The following NAV2 variants were observed in gnomAD, a reference collection of about 807,000 sequenced individuals.
The protein encoded by NAV2 is helicase, APC down-regulated 1.
A neutral mutation model predicts 223.2 loss-of-function variants in NAV2; 54 were observed. The ratio of observed to expected loss-of-function variants is 0.24; its 90% CI spans 0.19 to 0.30. The LOEUF is 0.30. Among genes scored for constraint, NAV2 ranks in the 10% least tolerant of loss-of-function variants. NAV2 has a pLI of 1.00. For synonymous variants in NAV2, 1,279 were observed against 1,239.3 expected, an observed-to-expected ratio of 1.03 and a Z score of -0.67; for missense variants, 2,806 against 3,147.5, an observed-to-expected ratio of 0.89 and a Z score of 2.60.
chr11:20,085,057 G>A (rs1158929370), intron 26 of NAV2, among the ~76,000 whole-genome samples: 1 of 118,492 alleles, frequency 8.4e-6, no homozygotes, highest in Non-Finnish European at 1.9e-5. Context: ...GGTCAGGCAT[G>A]GTGTTGCATA....
At chr11:19,684,070 CAAAAA>C (rs2048950781) in intron 1 of NAV2, among the ~76,000 whole-genome samples, 1 of 152,018 alleles carries the variant, frequency 6.6e-6, no homozygotes, top group Non-Finnish European at 1.5e-5. Flanking sequence ...TTGCGAAATC[CAAAAA>C]CTGGAAATCA....
At chr11:20,068,099 C>T in intron 20 of NAV2, 87 bp from the exon 21 acceptor site, 1 of 1,165,984 alleles carries the variant, frequency 8.6e-7, no homozygotes, top group Non-Finnish European at 1.3e-6. Context: ...ACTGCTGCAA[C>T]CATCTGAATA....
chr11:19,934,093 G>T lies in NAV2; in HGVS notation c.1849G>T (p.Ala617Ser), dbSNP rs771606046. The T allele has an allele frequency of 3.7e-6, 6 of 1,612,976 alleles. No homozygotes were observed. Among genetic ancestry groups the T allele is most frequent in the East Asian group, 2.2e-5 (1 of 44,858 alleles). The change falls in exon 7 of 38, where the codon GCG (alanine) becomes TCG (serine). Residue 617 changes from alanine (A) to serine (S), a missense_variant. Transcript: ENST00000349880. ...ACACTCCAGTTCCTCTTCCAGCCTG[G>T]CGTCCTCAGAAGGAAAAGGCCCAGG... ...GRHSSSSSSL[A>S]SSEGKGPGGT...
chr11:19,944,797 TC>T (rs1420274350), intron 8 of NAV2, among the ~76,000 whole-genome samples: 1 of 149,596 alleles, frequency 6.7e-6, no homozygotes, highest in African/African-American at 2.4e-5. Flanking sequence ...TGGCTGGCTT[TC>T]TGTCTGTCTT....
chr11:19,927,477 G>A (rs1248458247), intron 6 of NAV2, among the ~76,000 whole-genome samples: 1 of 152,234 alleles, frequency 6.6e-6, no homozygotes, highest in Non-Finnish European at 1.5e-5. Flanking sequence ...AGCTACTCAG[G>A]AGGCTGAGGC....
At chr11:19,707,004 A>G (rs898456415) in intron 1 of NAV2, among the ~76,000 whole-genome samples, 1 of 152,232 alleles carries the variant, frequency 6.6e-6, no homozygotes, top group Non-Finnish European at 1.5e-5. Flanking sequence ...ATCTAAACGT[A>G]GAAAAGGTAC....
intron 1 of NAV2, among the ~76,000 whole-genome samples, chr11:19,730,891 A>T (rs557350472): frequency 6.6e-6 from 1 of 152,372 alleles, no homozygotes; most frequent in African/African-American, 2.4e-5. Flanking sequence ...CAGCATGCCC[A>T]GTGAAATTTG....
At chr11:19,622,844 A>C (rs1203560819) in intron 1 of NAV2, among the ~76,000 whole-genome samples, 1 of 152,152 alleles carries the variant, frequency 6.6e-6, no homozygotes, top group African/African-American at 2.4e-5. Context: ...TAGTTGATGC[A>C]GTTTCTTCCT....
intron 1 of NAV2, among the ~76,000 whole-genome samples, chr11:19,441,121 G>GA (rs1340594157): frequency 1.3e-5 from 2 of 152,188 alleles, no homozygotes; most frequent in Non-Finnish European, 2.9e-5. Context: ...ACTAGGTTTA[G>GA]AAGGGGCAAA....
At chr11:19,917,407 C>T (rs1242508900) in intron 6 of NAV2, among the ~76,000 whole-genome samples, 1 of 152,128 alleles carries the variant, frequency 6.6e-6, no homozygotes, top group Admixed American at 6.5e-5. Flanking sequence ...CAATTTTCTG[C>T]CTTCTGTAAG....
intron 1 of NAV2, among the ~76,000 whole-genome samples, chr11:19,498,155 C>T (rs1357872605): frequency 6.6e-6 from 1 of 152,218 alleles, no homozygotes; most frequent in Admixed American, 6.5e-5. Flanking sequence ...GCTCCAGTCT[C>T]TCTGGGCTAT....
chr11:19,960,805 T>C (rs894567257), intron 10 of NAV2, among the ~76,000 whole-genome samples: 1 of 151,904 alleles, frequency 6.6e-6, no homozygotes, highest in Non-Finnish European at 1.5e-5. Context: ...GTAGATGGGG[T>C]TTCACCATGT....
intron 1 of NAV2, among the ~76,000 whole-genome samples, chr11:19,415,711 T>C (rs2702626): frequency 0.87 from 132,019 of 152,212 alleles, 57,912 homozygotes; most frequent in East Asian, 0.94. Context: ...TACTGGCAAA[T>C]TGAATCCAGC....
chr11:19,383,297 C>A (rs879511480), intron 1 of NAV2, among the ~76,000 whole-genome samples: 1 of 152,202 alleles, frequency 6.6e-6, no homozygotes, highest in African/African-American at 2.4e-5. Flanking sequence ...TCCCAAATAA[C>A]CTCATGATAC....
chr11:19,825,291 C>CAA (rs58499844), intron 1 of NAV2, among the ~76,000 whole-genome samples: 2 of 48,224 alleles, frequency 4.1e-5, no homozygotes, highest in Non-Finnish European at 6.6e-5. Context: ...GACTCTGTCT[C>CAA]AAAAAAAAAA....
At chr11:19,469,753 A>G (rs537895571) in intron 1 of NAV2, among the ~76,000 whole-genome samples, 3 of 152,160 alleles carry the variant, frequency 2.0e-5, no homozygotes, top group Non-Finnish European at 4.4e-5. Context: ...GCTATTCTGT[A>G]TGTTCTGTCT....
intron 1 of NAV2, among the ~76,000 whole-genome samples, chr11:19,441,959 C>G (rs1851419070): frequency 6.6e-6 from 1 of 152,236 alleles, no homozygotes; most frequent in Non-Finnish European, 1.5e-5. Context: ...TTGCTCATGC[C>G]ATTTGCAAGA....
At chr11:20,046,160 C>G (rs1387823541) in intron 14 of NAV2, among the ~76,000 whole-genome samples, 2 of 151,990 alleles carry the variant, frequency 1.3e-5, no homozygotes, top group African/African-American at 4.8e-5. Flanking sequence ...ATGGTGAAAC[C>G]CCGTCTCTAC....
At chr11:20,082,734 T>C in intron 25 of NAV2, 1 of 984,072 alleles carries the variant, frequency 1.0e-6, no homozygotes, top group Non-Finnish European at 1.6e-6. Flanking sequence ...AACATCCATC[T>C]GCTGAGCCAG....
Sources: gnomAD v4.1 joint callset for allele counts (sites outside exome capture counted in the v4.1 genomes callset) on GRCh38, gnomAD v4.1.1 for gene constraint, MANE v1.5 for transcripts, NCBI Gene and HGNC (gene_info 2026-07-23, HGNC 2026-07-21) for gene names.